Variants in STON2 observed in about 807,000 individuals in gnomAD.
The protein encoded by STON2 is stonin-2.
Under a neutral mutation model 65.7 loss-of-function variants are expected in STON2, and 29 were observed. The observed-to-expected ratio is 0.44, with a 90% CI of 0.33 to 0.60. STON2 has a LOEUF of 0.60. Ranked by LOEUF, STON2 falls within the 20% of genes least tolerant of loss-of-function variation. STON2 has a pLI of 0.03. For synonymous variants in STON2, 404 were observed against 414.2 expected (o/e 0.98, Z 0.30); for missense variants, 1,054 against 1,118.1 (o/e 0.94, Z 0.82).
chr14:81,290,627 T>C (rs1437773487), intron 5 of STON2, among the ~76,000 whole-genome samples: 1 of 152,166 alleles, frequency 6.6e-6, no homozygotes, highest in Non-Finnish European at 1.5e-5. Flanking sequence ...TAGGGGCAAG[T>C]ACTGCAAGCT....
chr14:81,268,362 G>A lies in STON2; in HGVS notation c.*52C>T, dbSNP rs1595264182. On this transcript the variant is annotated 3_prime_UTR_variant, in exon 8 of 8. Coordinates refer to ENST00000614646, the MANE Select transcript of STON2 (RefSeq NM_001394390.1). ...AGGAAGACACCCTATCATGACTCAGGAAGACACCCTATCATGACTCTGGGA... is the reference window on the plus strand; with the variant it reads ...AGGAAGACACCCTATCATGACTCAGAAAGACACCCTATCATGACTCTGGGA... 3 of 1,287,744 alleles carry A rather than the reference G, an allele frequency of 2.3e-6. No individual in the cohort carries two copies. The highest frequency in any genetic ancestry group is 5.6e-5 in the East Asian group (1 of 17,986). The allele number at this position is 1,287,744 out of a possible 1,614,324, so 79.8% of individuals were successfully genotyped here.
chr14:81,406,466 G>A (rs959925248), intron 2 of STON2, among the ~76,000 whole-genome samples: 3 of 152,098 alleles, frequency 2.0e-5, no homozygotes, highest in African/African-American at 7.2e-5. Context: ...TTTACATATT[G>A]TCTATGGCTG....
chr14:81,313,632 T>G (rs539973026), intron 5 of STON2, among the ~76,000 whole-genome samples: 41 of 151,944 alleles, frequency 2.7e-4, no homozygotes, highest in Non-Finnish European at 4.9e-4. Context: ...CCATCTCTAC[T>G]AAAAATACAA....
upstream of STON2, among the ~76,000 whole-genome samples, chr14:81,401,089 G>A (rs1293001878): frequency 6.6e-6 from 1 of 152,178 alleles, no homozygotes; most frequent in South Asian, 2.1e-4. Context: ...TAACTTGTTC[G>A]TAGAAGTCTT....
intron 5 of STON2, among the ~76,000 whole-genome samples, chr14:81,307,922 C>A (rs773386704): frequency 2.6e-5 from 4 of 152,074 alleles, no homozygotes; most frequent in Non-Finnish European, 5.9e-5. Context: ...TTTGGGGAGT[C>A]AAGTTATATG....
Position 81,356,735 on chromosome 14 carries a change from G to A in STON2, c.571+14253C>T, listed in dbSNP as rs879631829. 2.6e-5 allele frequency among the ~76,000 whole-genome samples: 4 copies of A among 152,136 alleles called. No homozygotes were observed. In the East Asian group the frequency reaches 7.7e-4, roughly 29 times the overall value. On this transcript the variant is annotated intron_variant, in intron 4 of 7. Coordinates refer to ENST00000614646, the MANE Select transcript of STON2 (RefSeq NM_001394390.1). ...TTCAACTTCTTCCTGGTTTAGTCTT[G>A]GGAGAGTGTATGTGTTGAGGAATTT...
chr14:81,427,399 G>C (rs912311058), intron 1 of STON2: 1 of 152,206 alleles, frequency 6.6e-6, no homozygotes, highest in Non-Finnish European at 1.5e-5. Flanking sequence ...GCTGTGACCA[G>C]CCAAGTCACC....
chr14:81,426,455 A>G (rs1901978874), intron 2 of STON2, among the ~76,000 whole-genome samples: 1 of 152,082 alleles, frequency 6.6e-6, no homozygotes, highest in African/African-American at 2.4e-5. Flanking sequence ...TTTAGATTCC[A>G]TCTATAAGCT....
intron 4 of STON2, among the ~76,000 whole-genome samples, chr14:81,346,493 T>C (rs943742619): frequency 6.6e-6 from 1 of 152,152 alleles, no homozygotes; most frequent in Non-Finnish European, 1.5e-5. Flanking sequence ...CAAGAGACTT[T>C]CTATAGCCAC....
chr14:81,373,169 C>A (rs1030347345), intron 3 of STON2, among the ~76,000 whole-genome samples: 5 of 152,090 alleles, frequency 3.3e-5, no homozygotes, highest in African/African-American at 7.2e-5. Flanking sequence ...CACTTCTATA[C>A]CCCCATTCCT....
intron 1 of STON2, among the ~76,000 whole-genome samples, chr14:81,399,426 A>C (rs961094241): frequency 3.9e-5 from 6 of 152,232 alleles, no homozygotes; most frequent in African/African-American, 1.4e-4. Flanking sequence ...TTATTAACTA[A>C]ATATACACAA....
At chr14:81,336,638 A>AGACTAT (rs1897381910) in intron 4 of STON2, among the ~76,000 whole-genome samples, 1 of 151,888 alleles carries the variant, frequency 6.6e-6, no homozygotes, top group African/African-American at 2.4e-5. Flanking sequence ...TGGGGAAAGG[A>AGACTAT]GACTATGCCA....
rs1900290625 is a variant in STON2 at position 81,395,923 on chromosome 14, G to A, written c.344C>T (p.Ser115Phe). 4 of 1,614,146 alleles carry A rather than the reference G, an allele frequency of 2.5e-6. No individual in the cohort carries two copies. The highest frequency in any genetic ancestry group is 3.4e-6 in the Non-Finnish European group (4 of 1,180,020). The change falls in exon 3 of 8, where the codon TCT (serine) becomes TTT (phenylalanine). Residue 115 changes from serine to phenylalanine, a missense_variant. Transcript: ENST00000614646. ...FEDDTPWAST[S>F]PPHQETAETA... ...CTCAGCTGTTTCCTGATGAGGTGGA[G>A]ATGTGCTGGCCCAGGGTGTGTCATC...
chr14:81,317,708 A>C (rs1477685177), intron 5 of STON2, among the ~76,000 whole-genome samples: 1 of 152,212 alleles, frequency 6.6e-6, no homozygotes, highest in Non-Finnish European at 1.5e-5. Flanking sequence ...ATGGAAACTC[A>C]TATCTTTTCA....
At chr14:81,394,194 C>CA (rs373665876) in intron 3 of STON2, among the ~76,000 whole-genome samples, 2,195 of 137,306 alleles carry the variant, frequency 0.016, 46 homozygotes, top group African/African-American at 0.052. Flanking sequence ...CCATCTCAAA[C>CA]AAAAAAAAAA....
chr14:81,381,210 A>G (rs1899497207), intron 3 of STON2, among the ~76,000 whole-genome samples: 3 of 152,218 alleles, frequency 2.0e-5, no homozygotes, highest in Admixed American at 2.0e-4. Flanking sequence ...ATTGAATGTC[A>G]AAGTGTGAAG....
At chr14:81,416,959 A>G (rs1901466907) in intron 2 of STON2, among the ~76,000 whole-genome samples, 1 of 152,206 alleles carries the variant, frequency 6.6e-6, no homozygotes, top group Non-Finnish European at 1.5e-5. Flanking sequence ...TAGCTCTACA[A>G]TGAAGTCAGC....
intron 3 of STON2, among the ~76,000 whole-genome samples, chr14:81,387,305 A>G (rs756136899): frequency 6.6e-6 from 1 of 152,136 alleles, no homozygotes; most frequent in Non-Finnish European, 1.5e-5. Flanking sequence ...GGCAACCTCA[A>G]ATGGGAGATG....
chr14:81,304,779 A>G (rs1238709839), intron 5 of STON2, among the ~76,000 whole-genome samples: 1 of 152,180 alleles, frequency 6.6e-6, no homozygotes, highest in Non-Finnish European at 1.5e-5. Flanking sequence ...AAACCCAGGC[A>G]TTGTTACTTT....
Sources: allele counts gnomAD v4.1 joint callset (sites outside exome capture counted in the v4.1 genomes callset), GRCh38; gene constraint gnomAD v4.1.1; transcripts MANE v1.5; gene names NCBI Gene and HGNC (gene_info 2026-07-23, HGNC 2026-07-21).